The following ATF6 variants were observed in gnomAD, a reference collection of about 807,000 sequenced individuals.
ATF6 encodes the protein cyclic AMP-dependent transcription factor ATF-6 alpha.
Under a neutral mutation model 83.6 loss-of-function variants are expected in ATF6, and 53 were observed. That is an observed-to-expected ratio of 0.63 (90% CI 0.51 to 0.80). ATF6 has a LOEUF of 0.80. Ranked by LOEUF, ATF6 falls within the 30% of genes least tolerant of loss-of-function variation. The pLI, the probability that ATF6 is intolerant of heterozygous loss-of-function variation, is 0.00. For synonymous variants in ATF6, 288 were observed against 285.8 expected (o/e 1.01, Z -0.08); for missense variants, 744 against 797.9 (o/e 0.93, Z 0.81).
chr1:161,804,941 T>C (rs1685242382), intron 7 of ATF6, among the ~76,000 whole-genome samples: 1 of 152,006 alleles, frequency 6.6e-6, no homozygotes, highest in African/African-American at 2.4e-5. Context: ...TAAAGACTAA[T>C]TAGAAGTTAA....
intron 15 of ATF6, among the ~76,000 whole-genome samples, chr1:161,921,935 A>G (rs971449163): frequency 1.3e-5 from 2 of 152,202 alleles, no homozygotes; most frequent in African/African-American, 4.8e-5. Context: ...GCAGCAAGAA[A>G]TATAGAGTGG....
At chr1:161,840,569 A>G (rs1180310787) in intron 9 of ATF6, 2 of 152,214 alleles carry the variant, frequency 1.3e-5, no homozygotes, top group East Asian at 3.8e-4. Context: ...TTGTTCAGCT[A>G]CTTGGTATGA....
At chr1:161,784,793 A>T (rs1159127528) in intron 4 of ATF6, among the ~76,000 whole-genome samples, 1 of 152,114 alleles carries the variant, frequency 6.6e-6, no homozygotes, top group Non-Finnish European at 1.5e-5. Flanking sequence ...TAATTCAAGG[A>T]TTTATCTTTT....
chr1:161,809,064 CT>C (rs1685377521), intron 7 of ATF6, among the ~76,000 whole-genome samples: 3 of 152,096 alleles, frequency 2.0e-5, no homozygotes, highest in Admixed American at 2.0e-4. Flanking sequence ...TTTTATTATA[CT>C]TTAAGTTCTA....
chr1:161,901,202 G>A (rs1172977124), intron 14 of ATF6, among the ~76,000 whole-genome samples: 3 of 151,908 alleles, frequency 2.0e-5, no homozygotes, highest in African/African-American at 7.2e-5. Flanking sequence ...TAGATGTGCA[G>A]ATTTGTTACA....
chr1:161,869,499 C>T (rs1366399057), intron 14 of ATF6, among the ~76,000 whole-genome samples: 1 of 151,890 alleles, frequency 6.6e-6, no homozygotes, highest in African/African-American at 2.4e-5. Context: ...TCTCCACTTT[C>T]ATGGCCTTTG....
At chr1:161,950,609 C>T (rs1253788573) in intron 15 of ATF6, among the ~76,000 whole-genome samples, 2 of 152,186 alleles carry the variant, frequency 1.3e-5, no homozygotes, top group African/African-American at 4.8e-5. Flanking sequence ...ATAGGCCATT[C>T]CTCATGTTGG....
intron 15 of ATF6, among the ~76,000 whole-genome samples, chr1:161,929,015 A>T (rs772360042): frequency 3.9e-5 from 6 of 152,214 alleles, no homozygotes; most frequent in Non-Finnish European, 8.8e-5. Context: ...TACACCTTTG[A>T]AAACAGTCAA....
intron 14 of ATF6, among the ~76,000 whole-genome samples, chr1:161,872,137 A>T (rs898526371): frequency 6.6e-6 from 1 of 151,668 alleles, no homozygotes; most frequent in South Asian, 2.1e-4. Context: ...CATTTTACAG[A>T]TGAAGAACCT....
chr1:161,826,405 T>A (rs1385249548), intron 9 of ATF6, among the ~76,000 whole-genome samples: 1 of 152,148 alleles, frequency 6.6e-6, no homozygotes, highest in Non-Finnish European at 1.5e-5. Context: ...ATTGATTGAT[T>A]ATGAAAGGAA....
At chr1:161,838,664 C>G (rs2101809893) in intron 9 of ATF6, among the ~76,000 whole-genome samples, 1 of 152,300 alleles carries the variant, frequency 6.6e-6, no homozygotes, top group Non-Finnish European at 1.5e-5. Flanking sequence ...TAAGCATCAT[C>G]TATTAGAATA....
At chr1:161,843,650 A>G (rs1300498378) in intron 9 of ATF6, among the ~76,000 whole-genome samples, 1 of 152,176 alleles carries the variant, frequency 6.6e-6, no homozygotes, top group African/African-American at 2.4e-5. Flanking sequence ...TACTGTTAAA[A>G]TATACTGTAT....
chr1:161,915,410 A>T (rs1188346075), intron 15 of ATF6, among the ~76,000 whole-genome samples: 1 of 152,154 alleles, frequency 6.6e-6, no homozygotes, highest in African/African-American at 2.4e-5. Flanking sequence ...ATAGTACCTG[A>T]CTATTTTGGG....
At chr1:161,863,089 T>A in intron 13 of ATF6, 109 bp from the exon 14 acceptor site, 1 of 572,468 alleles carries the variant, frequency 1.7e-6, no homozygotes, top group South Asian at 3.1e-5. Flanking sequence ...AACTAATATT[T>A]TGGTTGAGAG....
Position 161,963,233 on chromosome 1 carries a change from T to A in ATF6, c.*4579T>A, listed in dbSNP as rs1055110976. On this transcript the variant is annotated 3_prime_UTR_variant, in exon 16 of 16. Transcript: ENST00000367942. ...TTTAATGACTAAGCTTTAAACAGTT[T>A]ATTTTGGGTAAGACTAGAACTTTCG... 6.6e-6 allele frequency: 1 copy of A among 152,252 alleles called. No individual in the cohort carries two copies. Among genetic ancestry groups the A allele is most frequent in the African/African-American group, 2.4e-5 (1 of 41,470 alleles). The allele number at this position is 152,252 out of a possible 1,614,324, so 9.4% of individuals were successfully genotyped here.
chr1:161,825,582 T>C (rs1270052628), intron 9 of ATF6, among the ~76,000 whole-genome samples: 1 of 152,176 alleles, frequency 6.6e-6, no homozygotes, highest in African/African-American at 2.4e-5. Context: ...CTGGTTTTAT[T>C]ATAAAGGATA....
At chr1:161,923,244 C>G (rs1399243845) in intron 15 of ATF6, among the ~76,000 whole-genome samples, 2 of 151,886 alleles carry the variant, frequency 1.3e-5, no homozygotes, top group African/African-American at 2.4e-5. Context: ...TTAACTGTGT[C>G]TCTTCCTCCT....
intron 6 of ATF6, among the ~76,000 whole-genome samples, chr1:161,800,276 G>C (rs1685114394): frequency 6.6e-6 from 1 of 152,136 alleles, no homozygotes; most frequent in African/African-American, 2.4e-5. Context: ...CAGAACCCAA[G>C]TCTAACATGA....
chr1:161,923,979 C>T (rs558861215), intron 15 of ATF6, among the ~76,000 whole-genome samples: 1 of 152,364 alleles, frequency 6.6e-6, no homozygotes, highest in South Asian at 2.1e-4. Context: ...GAGCCTCCCA[C>T]TAACTCTCCA....
Sources: gnomAD v4.1 joint callset for allele counts (sites outside exome capture counted in the v4.1 genomes callset) on GRCh38, gnomAD v4.1.1 for gene constraint, MANE v1.5 for transcripts, NCBI Gene and HGNC (gene_info 2026-07-23, HGNC 2026-07-21) for gene names.